The following ANO2 variants were observed in gnomAD, a reference collection of about 807,000 sequenced individuals.
ANO2 encodes the protein anoctamin-2.
Under a neutral mutation model 124.2 loss-of-function variants are expected in ANO2, and 101 were observed. That is an observed-to-expected ratio of 0.81 (90% CI 0.69 to 0.96). The LOEUF is 0.96. Among genes scored for constraint, ANO2 ranks in the 40% least tolerant of loss-of-function variants. ANO2 has a pLI of 0.00. For missense variants in ANO2, 1,293 were observed against 1,274.5 expected (o/e 1.01, Z -0.22); for synonymous variants, 486 against 482.5 (o/e 1.01, Z -0.09).
intron 4 of ANO2, among the ~76,000 whole-genome samples, chr12:5,833,456 C>G (rs903623076): frequency 1.3e-5 from 2 of 152,176 alleles, no homozygotes; most frequent in South Asian, 2.1e-4. Context: ...TTCCCACCCC[C>G]CTTGAATCTG....
At position 5,832,436 on chromosome 12, in the gene ANO2, C is replaced by T; in HGVS notation, c.785+16G>A. The T allele has an allele frequency of 6.2e-7, 1 of 1,613,694 alleles. No homozygotes were observed. Among genetic ancestry groups the T allele is most frequent in the East Asian group, 2.2e-5 (1 of 44,884 alleles). On this transcript the variant is annotated intron_variant, in intron 5 of 24. Coordinates refer to ENST00000682330, the MANE Select transcript of ANO2 (RefSeq NM_001364791.2). Reference sequence around the variant, plus strand: ...ATCCCTTCCCACATCTCTGCTCCAGCAGCTTCAATACTCACAGGTACATCT... The same window carrying T: ...ATCCCTTCCCACATCTCTGCTCCAGTAGCTTCAATACTCACAGGTACATCT...
chr12:5,611,291 A>G (rs1944534778), intron 19 of ANO2, among the ~76,000 whole-genome samples: 1 of 152,020 alleles, frequency 6.6e-6, no homozygotes, highest in South Asian at 2.1e-4. Flanking sequence ...GCTTTTGAAG[A>G]CTTCTTTGAC....
chr12:5,742,987 C>G (rs1213530801), intron 12 of ANO2, among the ~76,000 whole-genome samples: 1 of 152,088 alleles, frequency 6.6e-6, no homozygotes, highest in Non-Finnish European at 1.5e-5. Context: ...CGGGACGCAG[C>G]TGCTCTCCCT....
At chr12:5,860,238 C>T (rs570666197) in intron 3 of ANO2, among the ~76,000 whole-genome samples, 3 of 152,262 alleles carry the variant, frequency 2.0e-5, no homozygotes, top group African/African-American at 7.2e-5. Flanking sequence ...CTCAGGAAGC[C>T]TCTTCCTGAG....
intron 4 of ANO2, among the ~76,000 whole-genome samples, chr12:5,845,002 C>A (rs1954638099): frequency 6.7e-6 from 1 of 149,728 alleles, no homozygotes; most frequent in East Asian, 2.0e-4. Flanking sequence ...CTGGGCATGG[C>A]ACCTCACAGC....
chr12:5,792,608 A>G (rs1952729919), intron 10 of ANO2, among the ~76,000 whole-genome samples: 1 of 152,210 alleles, frequency 6.6e-6, no homozygotes, highest in Admixed American at 6.5e-5. Context: ...AAGAGTTACA[A>G]TCATCCCCAA....
chr12:5,879,823 T>A (rs916992056), intron 3 of ANO2, among the ~76,000 whole-genome samples: 4 of 152,290 alleles, frequency 2.6e-5, no homozygotes, highest in Admixed American at 2.6e-4. Flanking sequence ...TGTGAAAGCC[T>A]GGGACAACAT....
intron 10 of ANO2, among the ~76,000 whole-genome samples, chr12:5,795,387 C>G (rs1357189409): frequency 6.6e-6 from 1 of 152,190 alleles, no homozygotes; most frequent in East Asian, 1.9e-4. Context: ...GTGCAGGAAG[C>G]CTCACTCATG....
At chr12:5,910,064 A>AAT (rs1372746469) in intron 3 of ANO2, among the ~76,000 whole-genome samples, 2 of 152,258 alleles carry the variant, frequency 1.3e-5, no homozygotes, top group Non-Finnish European at 2.9e-5. Context: ...TAACACATGA[A>AAT]ATAATGAGAC....
intron 14 of ANO2, among the ~76,000 whole-genome samples, chr12:5,666,499 G>T (rs1366419521): frequency 1.3e-5 from 2 of 152,102 alleles, no homozygotes; most frequent in African/African-American, 4.8e-5. Flanking sequence ...CTCATGAAAT[G>T]CACAGCGACC....
At chr12:5,664,339 C>T (rs765922709) in intron 14 of ANO2, among the ~76,000 whole-genome samples, 18 of 152,098 alleles carry the variant, frequency 1.2e-4, no homozygotes, top group Non-Finnish European at 2.1e-4. Context: ...ATCCACCCAC[C>T]CATCTAACCA....
At chr12:5,767,045 G>A (rs891744662) in intron 10 of ANO2, among the ~76,000 whole-genome samples, 4 of 152,200 alleles carry the variant, frequency 2.6e-5, no homozygotes, top group Non-Finnish European at 4.4e-5. Context: ...CCATGGAGCA[G>A]GTTGCCAACA....
chr12:5,807,098 G>A (rs1482006724), intron 8 of ANO2, among the ~76,000 whole-genome samples: 3 of 152,152 alleles, frequency 2.0e-5, no homozygotes, highest in Admixed American at 6.5e-5. Flanking sequence ...GTCATCTGGG[G>A]AAATCATTGC....
At chr12:5,920,866 C>CA (rs36058117) in intron 3 of ANO2, among the ~76,000 whole-genome samples, 174 bp downstream of exon 3, 18 of 151,620 alleles carry the variant, frequency 1.2e-4, no homozygotes, top group African/African-American at 4.1e-4. Context: ...GACTCCGTCT[C>CA]AAAAAAAATT....
At chr12:5,835,777 A>G (rs1486374092) in intron 4 of ANO2, among the ~76,000 whole-genome samples, 2 of 152,210 alleles carry the variant, frequency 1.3e-5, no homozygotes, top group African/African-American at 2.4e-5. Context: ...TGACCTTTCT[A>G]CCAAACCTCT....
chr12:5,666,475 C>T (rs1227119702), intron 14 of ANO2, among the ~76,000 whole-genome samples: 1 of 152,200 alleles, frequency 6.6e-6, no homozygotes, highest in East Asian at 1.9e-4. Flanking sequence ...ACCATCACCA[C>T]TGGTTGACAA....
chr12:5,681,029 T>C (rs10744688), intron 14 of ANO2, among the ~76,000 whole-genome samples: 76,261 of 151,896 alleles, frequency 0.5, 21,097 homozygotes, highest in Middle Eastern at 0.62. Flanking sequence ...TGGGTACTAG[T>C]TCCAGGCCCT....
At chr12:5,857,772 T>TGATAGATAGATAGATAGATA (rs59071869) in intron 3 of ANO2, among the ~76,000 whole-genome samples, 1 of 148,290 alleles carries the variant, frequency 6.7e-6, no homozygotes, top group African/African-American at 2.5e-5. Flanking sequence ...AAAAGAAATG[T>TGATAGATAGATAGATAGATA]GATAGATAGA....
At chr12:5,618,488 G>T (rs1041574863) in intron 16 of ANO2, among the ~76,000 whole-genome samples, 5 of 152,158 alleles carry the variant, frequency 3.3e-5, no homozygotes, top group Admixed American at 3.3e-4. Flanking sequence ...TGGATGAAGG[G>T]AATTGAGGCC....
Sources: allele counts gnomAD v4.1 joint callset (sites outside exome capture counted in the v4.1 genomes callset), GRCh38; gene constraint gnomAD v4.1.1; transcripts MANE v1.5; gene names NCBI Gene and HGNC (gene_info 2026-07-23, HGNC 2026-07-21).